PIAS2: variants seen among roughly 807,000 people sequenced by gnomAD.
The protein encoded by PIAS2 is protein inhibitor of activated STAT 2, also known as E3 SUMO-protein ligase PIAS2.
Under a neutral mutation model 69.7 loss-of-function variants are expected in PIAS2, and 19 were observed. The observed-to-expected ratio is 0.27, with a 90% CI of 0.19 to 0.40. The LOEUF (loss-of-function observed/expected upper bound fraction) is 0.40, where lower values mean the gene tolerates loss of function less well. Ranked by LOEUF, PIAS2 falls within the 10% of genes least tolerant of loss-of-function variation. The probability of loss-of-function intolerance (pLI) is 1.00; values close to 1 mark genes in which losing one functional copy is unlikely to be tolerated. For synonymous variants in PIAS2, 261 were observed against 263.2 expected (o/e 0.99, Z 0.08); for missense variants, 624 against 757.0 (o/e 0.82, Z 2.06).
At chr18:46,844,420 C>A (rs1050551280) in intron 7 of PIAS2, among the ~76,000 whole-genome samples, 5 of 152,086 alleles carry the variant, frequency 3.3e-5, no homozygotes, top group Non-Finnish European at 5.9e-5. Flanking sequence ...TGCAGCAGTA[C>A]CCTGAGCGTC....
chr18:46,858,306 G>C (rs913597432), intron 3 of PIAS2, among the ~76,000 whole-genome samples: 2 of 152,040 alleles, frequency 1.3e-5, no homozygotes, highest in Non-Finnish European at 2.9e-5. Context: ...ATTAGAGTGT[G>C]TTTAAAGCAT....
At chr18:46,919,060 TA>T (rs1568962249), upstream of PIAS2, among the ~76,000 whole-genome samples, 2 of 151,282 alleles carry the variant, frequency 1.3e-5, no homozygotes, top group Non-Finnish European at 2.9e-5. Context: ...CACACACACA[TA>T]TTGTTTTGGC....
intron 11 of PIAS2, among the ~76,000 whole-genome samples, chr18:46,821,869 T>C (rs902536083): frequency 1.3e-5 from 2 of 152,230 alleles, no homozygotes; most frequent in African/African-American, 4.8e-5. Context: ...GCAGTATAAT[T>C]AAACATACTT....
chr18:46,829,739 A>G lies in PIAS2; in HGVS notation c.1331T>C (p.Ile444Thr). 1 of 1,612,244 alleles carries G rather than the reference A, an allele frequency of 6.2e-7. No individual in the cohort carries two copies. Among genetic ancestry groups the G allele is most frequent in the Admixed American group, 1.7e-5 (1 of 59,682 alleles). Residue 444 changes from isoleucine (I) to threonine (T), a missense_variant, in exon 10 of 14, where the codon ATA becomes ACA. Physicochemically the swap from Ile to Thr is moderately conservative, Grantham distance 89 (BLOSUM62 -1). This residue lies in a region of PIAS2 where 241 missense variants were observed against 257.3 expected (regional missense o/e 0.94). Transcript: ENST00000585916. ...TGCTGCTATTCTACACATACTTTCT[A>G]TTTTTGTACACGGTTGGCTGGATAC... is the stretch of plus-strand genomic sequence containing the variant. ...MKVSSQPCTKIESSSVLSKPC... is the reference protein window; with the variant it reads ...MKVSSQPCTKTESSSVLSKPC...
chr18:46,868,935 G>C (rs560793074), intron 2 of PIAS2, among the ~76,000 whole-genome samples: 30 of 152,236 alleles, frequency 2.0e-4, no homozygotes, highest in Non-Finnish European at 3.8e-4. Flanking sequence ...CAGCAACGCA[G>C]GTGAAAAGGA....
intron 5 of PIAS2, among the ~76,000 whole-genome samples, chr18:46,848,766 AGTGTGT>A (rs554067671): frequency 2.7e-5 from 4 of 146,310 alleles, no homozygotes; most frequent in African/African-American, 1.0e-4. Context: ...AGAGAGAGAC[AGTGTGT>A]GTGTGTGTGT....
chr18:46,898,545 A>G (rs1246067128), intron 1 of PIAS2, among the ~76,000 whole-genome samples: 1 of 152,204 alleles, frequency 6.6e-6, no homozygotes, highest in Non-Finnish European at 1.5e-5. Context: ...TAAACCAATA[A>G]TATTAAGGCA....
chr18:46,812,145 A>C lies in PIAS2; in HGVS notation c.*288T>G, dbSNP rs2041042768. The C allele has an allele frequency of 4.2e-6, 1 of 235,558 alleles. No individual in the cohort carries two copies. The highest frequency in any genetic ancestry group is 2.2e-5 in the African/African-American group (1 of 44,472). The allele number at this position is 235,558 out of a possible 1,614,324, so 14.6% of individuals were successfully genotyped here. A position where few individuals can be genotyped will look rare whatever the true frequency, so the allele number is the denominator to read the frequency against. On this transcript the variant is annotated 3_prime_UTR_variant, in exon 14 of 14. Coordinates refer to ENST00000585916, the MANE Select transcript of PIAS2 (RefSeq NM_004671.5). ...ACAAAAACTTTTTTCACTGATTTGT[A>C]GACTCCATCCATTAACGTATGAAAG...
intron 1 of PIAS2, among the ~76,000 whole-genome samples, chr18:46,913,706 T>C (rs191710138): frequency 2.0e-5 from 3 of 152,320 alleles, no homozygotes; most frequent in Admixed American, 6.5e-5. Context: ...ATTGGAAATA[T>C]GCAACTGGAA....
At position 46,870,119 on chromosome 18, in the gene PIAS2, A is replaced by G. The variant is rs569541866; in HGVS notation, c.500-5871T>C. 9.2e-4 allele frequency among the ~76,000 whole-genome samples: 139 copies of G among 151,712 alleles called. 1 individual carries two copies. The highest frequency in any genetic ancestry group is 1.6e-3 in the Non-Finnish European group (107 of 67,932). ...CCAATGCCCCGTGCCCTCCCTAACC[A>G]CACGTCTGAGTCTATGCCTCCTCCA... On this transcript the variant is annotated intron_variant, in intron 2 of 13. Transcript: ENST00000585916.
Position 46,847,655 on chromosome 18 carries a change from T to C in PIAS2, c.727-814A>G, listed in dbSNP as rs935638075. Among the ~76,000 whole-genome samples, 5 of 152,104 alleles carry C rather than the reference T, an allele frequency of 3.3e-5. No homozygotes were observed. In the South Asian group the frequency reaches 8.3e-4, roughly 25 times the overall value. On this transcript the variant is annotated intron_variant, in intron 5 of 13. Transcript: ENST00000585916. ...TGCCACAACATCCGGCTAATTTTTT[T>C]GTATTTTTAGTAGAGACAGGGTTTC... is the stretch of plus-strand genomic sequence containing the variant.
chr18:46,812,638 A>T, intron 13 of PIAS2, 26 bp from the exon 14 acceptor site: 1 of 1,462,790 alleles, frequency 6.8e-7, no homozygotes, highest in South Asian at 1.2e-5. Flanking sequence ...AATGATGCCA[A>T]TGAGGAAGAG....
chr18:46,859,499 T>A (rs1276349826), intron 3 of PIAS2, among the ~76,000 whole-genome samples: 3 of 145,200 alleles, frequency 2.1e-5, no homozygotes, highest in Non-Finnish European at 4.5e-5. Flanking sequence ...AAATGAAGAG[T>A]GGCCTATCAC....
At chr18:46,861,455 G>A (rs892619766) in intron 3 of PIAS2, among the ~76,000 whole-genome samples, 1 of 152,186 alleles carries the variant, frequency 6.6e-6, no homozygotes, top group East Asian at 1.9e-4. Flanking sequence ...GTGCCTAGTT[G>A]CAAAGTTATC....
intron 2 of PIAS2, among the ~76,000 whole-genome samples, chr18:46,888,929 C>CCT (rs924727883): frequency 4.6e-5 from 7 of 152,176 alleles, no homozygotes; most frequent in Non-Finnish European, 1.0e-4. Flanking sequence ...GGAAATAAAA[C>CCT]CTCACATACA....
intron 13 of PIAS2, 142 bp downstream of exon 13, chr18:46,815,170 A>C (rs1199367812): frequency 3.3e-6 from 2 of 614,802 alleles, no homozygotes; most frequent in South Asian, 2.5e-5. Context: ...AAAATTGTGA[A>C]ATATTTGCAC....
chr18:46,816,097 T>C, intron 12 of PIAS2: 1 of 984,980 alleles, frequency 1.0e-6, no homozygotes, highest in Non-Finnish European at 1.2e-6. Context: ...TAGACCTCCC[T>C]GTGTGACTAA....
At chr18:46,813,063 C>T (rs1004501045) in intron 13 of PIAS2, among the ~76,000 whole-genome samples, 2 of 152,096 alleles carry the variant, frequency 1.3e-5, no homozygotes, top group Non-Finnish European at 2.9e-5. Context: ...GAGTATCAAA[C>T]AGATCCTTTA....
intron 1 of PIAS2, 100 bp downstream of exon 1, chr18:46,917,222 G>A (rs1357958192): frequency 1.6e-5 from 22 of 1,382,924 alleles, no homozygotes; most frequent in South Asian, 1.4e-5. Flanking sequence ...CCGCCAACCG[G>A]CCCCAGAGGC....
Sources: allele counts gnomAD v4.1 joint callset (sites outside exome capture counted in the v4.1 genomes callset), GRCh38; gene constraint gnomAD v4.1.1; regional missense constraint gnomAD v4.1.1; transcripts MANE v1.5; gene names NCBI Gene and HGNC (gene_info 2026-07-23, HGNC 2026-07-21).